Variants in CEP170B observed in about 807,000 individuals in gnomAD.
CEP170B encodes the protein centrosomal protein 170B, also known as centrosomal protein of 170 kDa protein B.
A neutral mutation model predicts 120.6 loss-of-function variants in CEP170B; 55 were observed. The observed-to-expected ratio is 0.46, with a 90% CI of 0.37 to 0.57. The LOEUF (loss-of-function observed/expected upper bound fraction) is 0.57. Ranked by LOEUF, CEP170B falls within the 20% of genes least tolerant of loss-of-function variation. The pLI is 0.00. For missense variants in CEP170B, 2,212 were observed against 2,253.3 expected (o/e 0.98, Z 0.37); for synonymous variants, 1,033 against 954.5 (o/e 1.08, Z -1.52).
intron 3 of CEP170B, among the ~76,000 whole-genome samples, chr14:104,877,014 C>G (rs927811172): frequency 6.6e-6 from 1 of 152,078 alleles, no homozygotes; most frequent in Non-Finnish European, 1.5e-5. Context: ...CTGGATGTCT[C>G]TGTCTGTTGC....
rs367897923 is a variant in CEP170B, at chr14:104,884,172, G to A, written c.1393G>A (p.Gly465Ser). The change falls in exon 9 of 19, where the codon GGC (glycine) becomes AGC (serine). Residue 465 changes from glycine (G) to serine (S), a missense_variant. Around this residue, in one of 2 missense-constraint regions of CEP170B, gnomAD observed 2,166 missense variants for 2,166.7 expected, o/e 1.00. Transcript: ENST00000414716. ...CCGCAGCTCGGGGCCACAGAGGGCC[G>A]GCTCGCTCAAGCGGGAGAAGACAGA... ...GGRSSGPQRA[G>S]SLKREKTEER... is the part of the protein sequence containing the mutation. 8.7e-5 allele frequency: 135 copies of A among 1,548,678 alleles called. 2 individuals carry two copies. The highest frequency in any genetic ancestry group is 8.4e-4 in the Middle Eastern group (5 of 5,954).
rs1896608739 is a variant in CEP170B, at chr14:104,887,879, G to T, written c.3640G>T (p.Ala1214Ser). 4 of 1,567,310 alleles carry T rather than the reference G, an allele frequency of 2.6e-6. No individual in the cohort carries two copies. The highest frequency in any genetic ancestry group is 2.3e-5 in the South Asian group (2 of 86,202). ...CASRKPTMAE[A>S]RAVSRKAANT... ...CAGCCGCAAGCCCACCATGGCCGAAGCACGGGCTGTCTCCAGGAAGGCTGC... is the reference window on the plus strand; with the variant it reads ...CAGCCGCAAGCCCACCATGGCCGAATCACGGGCTGTCTCCAGGAAGGCTGC... The change falls in exon 12 of 19, where the codon GCA becomes TCA. Residue 1214 changes from alanine (A) to serine (S), a missense_variant. This residue lies in a region of CEP170B where 2,166 missense variants were observed against 2,166.7 expected (regional missense o/e 1.00). Transcript: ENST00000414716.
intron 5 of CEP170B, among the ~76,000 whole-genome samples, chr14:104,879,115 C>T (rs1037205243): frequency 6.6e-6 from 1 of 152,152 alleles, no homozygotes. Flanking sequence ...GCTTTAGATT[C>T]TCTGACATTA....
chr14:104,889,658 C>T lies in CEP170B; in HGVS notation c.3778C>T (p.Arg1260Cys), dbSNP rs758605611. Residue 1260 changes from arginine (R) to cysteine (C), a missense_variant, in exon 13 of 19, where the codon CGT becomes TGT. This residue lies in a region of CEP170B where 2,166 missense variants were observed against 2,166.7 expected (regional missense o/e 1.00). Coordinates refer to ENST00000414716, the MANE Select transcript of CEP170B (RefSeq NM_001112726.3). The stretch of plus-strand genomic sequence containing the variant: ...GAGGGCTGGCAGCTCCAGCCGGGCT[C>T]GTTCCCGGGCCCCCGGCCCCCGGGA... Reference protein sequence around the residue: ...TPRAGSSSRARSRAPGPRDTD... With the variant: ...TPRAGSSSRACSRAPGPRDTD... 3.7e-6 allele frequency: 6 copies of T among 1,611,984 alleles called. No homozygotes were observed. Among genetic ancestry groups the T allele is most frequent in the East Asian group, 2.2e-5 (1 of 44,830 alleles).
In CEP170B at chr14:104,884,050, A is replaced by G. The variant is rs1266359170; in HGVS notation, c.1271A>G (p.His424Arg). The G allele has an allele frequency of 1.9e-6, 3 of 1,609,388 alleles. No homozygotes were observed. Among genetic ancestry groups the G allele is most frequent in the Middle Eastern group, 1.6e-4 (1 of 6,082 alleles). Residue 424 changes from histidine to arginine, a missense_variant, in exon 9 of 19, where the codon CAC (histidine) becomes CGC (arginine). This residue lies in a region of CEP170B where 2,166 missense variants were observed against 2,166.7 expected (regional missense o/e 1.00). Transcript: ENST00000414716. ...AAGAAGCGCTCCCAGTCCTTCACGC[A>G]CAGCCCGTCCGGGGACCCCAAGGCC... Reference protein sequence around the residue: ...PRKKRSQSFTHSPSGDPKADK... With the variant: ...PRKKRSQSFTRSPSGDPKADK...
intron 5 of CEP170B, among the ~76,000 whole-genome samples, chr14:104,879,481 T>A (rs563990824): frequency 1.3e-5 from 2 of 152,160 alleles, no homozygotes; most frequent in South Asian, 4.2e-4. Context: ...CTGAAGGTCT[T>A]AGGCTGAGGG....
chr14:104,872,671 G>A (rs930875880), intron 2 of CEP170B, among the ~76,000 whole-genome samples: 1 of 152,076 alleles, frequency 6.6e-6, no homozygotes. Flanking sequence ...GCCTGGGCAG[G>A]CCCTGACCTT....
chr14:104,881,106 C>T (rs906308343), intron 6 of CEP170B, among the ~76,000 whole-genome samples: 1 of 152,190 alleles, frequency 6.6e-6, no homozygotes, highest in African/African-American at 2.4e-5. Flanking sequence ...GCAGACCGAG[C>T]CAGCAGGGCT....
rs1343855742 is a variant in CEP170B, at chr14:104,887,142, A to G, written c.2903A>G (p.Lys968Arg). 6.2e-7 allele frequency: 1 copy of G among 1,609,878 alleles called. No homozygotes were observed. Among genetic ancestry groups the G allele is most frequent in the African/African-American group, 1.3e-5 (1 of 75,022 alleles). ...TASTVSLRSG[K>R]SGPSPTTPQP... is the part of the protein sequence containing the mutation. ...AGCACCGTCAGCCTGCGTAGTGGCA[A>G]GAGCGGGCCCAGCCCCACAACCCCC... The change falls in exon 12 of 19, where the codon AAG becomes AGG. Residue 968 changes from lysine (K) to arginine (R), a missense_variant. By Grantham distance (26) the Lys-to-Arg change is conservative. Transcript: ENST00000414716.
rs1481209122 is a variant in CEP170B, at chr14:104,884,537, G to T, written c.1758G>T (p.Lys586Asn). 1.3e-6 allele frequency: 2 copies of T among 1,559,366 alleles called. No individual in the cohort carries two copies. The highest frequency in any genetic ancestry group is 1.7e-6 in the Non-Finnish European group (2 of 1,151,750). Residue 586 changes from lysine (K) to asparagine (N), a missense_variant, in exon 9 of 19, where the codon AAG (lysine) becomes AAT (asparagine). Transcript: ENST00000414716. Reference protein sequence around the residue: ...AQDTEVEEARKMIDQVFGVLE... With the variant: ...AQDTEVEEARNMIDQVFGVLE... Reference sequence around the variant, plus strand: ...ACACGGAGGTGGAGGAGGCCCGGAAGATGATCGACCAGGTGCAGCCCAGCG... The same window carrying T: ...ACACGGAGGTGGAGGAGGCCCGGAATATGATCGACCAGGTGCAGCCCAGCG...
In CEP170B at chr14:104,894,567, C is replaced by T. The variant is rs766445028; in HGVS notation, c.4396C>T (p.Arg1466Trp). The T allele has an allele frequency of 3.2e-5, 51 of 1,611,584 alleles. No homozygotes were observed. Among genetic ancestry groups the T allele is most frequent in the East Asian group, 1.8e-4 (8 of 44,870 alleles). The part of the protein sequence containing the change: ...EISSILKELR[R>W]VQKQLEVINA... The stretch of plus-strand genomic sequence containing the variant: ...CAGCTCCATCCTGAAGGAACTGAGG[C>T]GGGTGCAGAAACAGCTGGAAGGTGA... The change falls in exon 18 of 19, where the codon CGG becomes TGG. Residue 1466 changes from arginine to tryptophan, a missense_variant. Physicochemically the swap from Arg to Trp is moderately radical, Grantham distance 101 (BLOSUM62 -3). Transcript: ENST00000414716.
In CEP170B at chr14:104,886,105, C is replaced by T; in HGVS notation, c.2010C>T (p.Asp670=). 1 of 1,545,710 alleles carries T rather than the reference C, an allele frequency of 6.5e-7. No individual in the cohort carries two copies. The highest frequency in any genetic ancestry group is 8.7e-7 in the Non-Finnish European group (1 of 1,146,004). ...TGTCCCGCTGGGCCAGCCTGGCTGA[C>T]AGCTACTCAGACCCGGGCCTCACAG... is the stretch of plus-strand genomic sequence containing the variant. The part of the protein sequence containing the change: ...KWVSRWASLA[D]SYSDPGLTED... The change falls in exon 11 of 19, where the codon GAC becomes GAT. Residue 670 remains aspartate, a synonymous_variant. Transcript: ENST00000414716.
In CEP170B at chr14:104,883,098, C is replaced by T. The variant is rs1178899787; in HGVS notation, c.641C>T (p.Pro214Leu). ...ELHGFRAPAE[P>L]QGCSFRREPS... ...CACGGCTTCCGCGCCCCTGCTGAGC[C>T]TCAGGGCTGCTCGTTCCGGCGGGAG... is the stretch of plus-strand genomic sequence containing the variant. Residue 214 changes from proline to leucine, a missense_variant, in exon 8 of 19, where the codon CCT becomes CTT. Transcript: ENST00000414716. The T allele has an allele frequency of 6.3e-7, 1 of 1,582,114 alleles. No individual in the cohort carries two copies.
chr14:104,882,629 G>A (rs898341424), intron 6 of CEP170B, 99 bp from the exon 7 acceptor site: 19 of 926,482 alleles, frequency 2.1e-5, no homozygotes, highest in Non-Finnish European at 3.1e-5. Context: ...TGATGCCAGG[G>A]CCTGCCCCAG....
In CEP170B at chr14:104,886,885, GC is replaced by G; in HGVS notation, c.2653del (p.His885ThrfsTer28). The G allele has an allele frequency of 1.2e-6, 2 of 1,610,324 alleles. No homozygotes were observed. Reference protein sequence around the residue: ...PASGPPAPGKPPHISSHPLLQ... With the variant: ...PASGPPAPGKXPHISSHPLLQ... ...CCAGTGGTCCCCCAGCGCCCGGCAA[GC>G]CCCCCCACATCTCCAGCCACCCGCT... is the stretch of plus-strand genomic sequence containing the variant. On this transcript the variant is annotated frameshift_variant, in exon 12 of 19. Coordinates refer to ENST00000414716, the MANE Select transcript of CEP170B (RefSeq NM_001112726.3). LOFTEE classifies it high-confidence loss of function.
rs1455280518 is a variant in CEP170B at position 104,884,514 on chromosome 14, A to G, written c.1735A>G (p.Thr579Ala). 1.3e-6 allele frequency: 2 copies of G among 1,564,214 alleles called. No individual in the cohort carries two copies. The highest frequency in any genetic ancestry group is 1.4e-5 in the African/African-American group (1 of 73,720). The part of the protein sequence containing the change: ...TYTIETEAQD[T>A]EVEEARKMID... ...CACCATCGAGACCGAGGCGCAGGAC[A>G]CGGAGGTGGAGGAGGCCCGGAAGAT... The change falls in exon 9 of 19, where the codon ACG (threonine) becomes GCG (alanine). Residue 579 changes from threonine (T) to alanine (A), a missense_variant. By Grantham distance (58) the Thr-to-Ala change is moderately conservative. Around this residue, in one of 2 missense-constraint regions of CEP170B, gnomAD observed 2,166 missense variants for 2,166.7 expected, o/e 1.00. Transcript: ENST00000414716.
chr14:104,870,927 C>T lies in CEP170B; in HGVS notation c.105+2372C>T, dbSNP rs1754429815. Among the ~76,000 whole-genome samples the T allele has an allele frequency of 6.6e-6, 1 of 152,038 alleles. No homozygotes were observed. Among genetic ancestry groups the T allele is most frequent in the African/African-American group, 2.4e-5 (1 of 41,380 alleles). ...CCGGTGCCCCTGCAGCGGCCTCCTACCTGCCCACCGCTGCCCCCTGCCGGC... is the reference window on the plus strand; with the variant it reads ...CCGGTGCCCCTGCAGCGGCCTCCTATCTGCCCACCGCTGCCCCCTGCCGGC... On this transcript the variant is annotated intron_variant, in intron 2 of 18. Transcript: ENST00000414716. The surrounding 1 kb of genome is among the most constrained non-coding windows in gnomAD (Gnocchi z 4.1).
In CEP170B at chr14:104,873,634, C is replaced by T. The variant is rs961795634; in HGVS notation, c.106-2622C>T. On this transcript the variant is annotated intron_variant, in intron 2 of 18. Transcript: ENST00000414716. ...CAGAGTTGTGTCCAGCAGGAGCTCTCGAGGCCCAGCGGGTCTGAGGCTAGG... is the reference window on the plus strand; with the variant it reads ...CAGAGTTGTGTCCAGCAGGAGCTCTTGAGGCCCAGCGGGTCTGAGGCTAGG... Among the ~76,000 whole-genome samples the T allele has an allele frequency of 3.9e-5, 6 of 151,940 alleles. No individual in the cohort carries two copies. In the East Asian group the frequency reaches 7.7e-4, roughly 20 times the overall value.
At chr14:104,881,807 CA>C (rs1336542208) in intron 6 of CEP170B, among the ~76,000 whole-genome samples, 2 of 152,118 alleles carry the variant, frequency 1.3e-5, no homozygotes, top group Non-Finnish European at 2.9e-5. Context: ...AGGGAGTCCC[CA>C]GGGAGGGGTA....
Sources: gnomAD v4.1 joint callset for allele counts (sites outside exome capture counted in the v4.1 genomes callset) on GRCh38, gnomAD v4.1.1 for gene constraint, gnomAD v4.1.1 regional missense constraint, Gnocchi (gnomAD v3.1) non-coding constraint, MANE v1.5 for transcripts, NCBI Gene and HGNC (gene_info 2026-07-23, HGNC 2026-07-21) for gene names.